Variants in EIF4G3 observed in about 807,000 individuals in gnomAD.
The protein encoded by EIF4G3 is eIF-4-gamma 3.
In EIF4G3, 34 loss-of-function variants were observed where a neutral mutation model predicts 186.4. That is an observed-to-expected ratio of 0.18 (90% confidence interval 0.14 to 0.24). EIF4G3 has a LOEUF of 0.24. Ranked by LOEUF, EIF4G3 falls within the 10% of genes least tolerant of loss-of-function variation. EIF4G3 has a pLI of 1.00. For synonymous variants in EIF4G3, 673 were observed against 679.5 expected (o/e 0.99, Z 0.15); for missense variants, 1,536 against 1,948.5 (o/e 0.79, Z 3.99).
chr1:21,032,573 A>T (rs2092833252), intron 4 of EIF4G3, among the ~76,000 whole-genome samples: 2 of 152,186 alleles, frequency 1.3e-5, no homozygotes, highest in South Asian at 4.2e-4. Context: ...AAAAAAAAAA[A>T]GTCTTATACT....
chr1:20,808,078 T>C (rs914522037), intron 36 of EIF4G3, among the ~76,000 whole-genome samples: 2 of 151,850 alleles, frequency 1.3e-5, no homozygotes, highest in Non-Finnish European at 2.9e-5. Flanking sequence ...GAGAAGGGAT[T>C]TCACCATGTT....
In EIF4G3 at chr1:20,810,790, C is replaced by T. The variant is rs1161757022; in HGVS notation, c.4692G>A (p.Leu1564=). The change falls in exon 36 of 37, where the codon CTG becomes CTA. Residue 1564 remains leucine (L), a synonymous_variant. Transcript: ENST00000602326. The surrounding 1 kb of genome is among the most constrained non-coding windows in gnomAD (Gnocchi z 4.1). ...ATGCTTGTAGTGCATAAAGTGCTTGCAGTTCCTTCTCTGTATCTGAGTCTA... is the reference window on the plus strand; with the variant it reads ...ATGCTTGTAGTGCATAAAGTGCTTGTAGTTCCTTCTCTGTATCTGAGTCTA... ...KYLDSDTEKE[L]QALYALQASI... 5 of 1,614,122 alleles carry T rather than the reference C, an allele frequency of 3.1e-6. No individual in the cohort carries two copies. The highest frequency in any genetic ancestry group is 1.7e-6 in the Non-Finnish European group (2 of 1,180,006).
chr1:20,954,973 A>G (rs2096365178), intron 12 of EIF4G3, among the ~76,000 whole-genome samples: 1 of 152,236 alleles, frequency 6.6e-6, no homozygotes, highest in Admixed American at 6.5e-5. Context: ...GAGGAAGGGC[A>G]GTTAGATGCA....
At chr1:21,009,572 G>C (rs1557484047) in intron 4 of EIF4G3, among the ~76,000 whole-genome samples, 1 of 151,192 alleles carries the variant, frequency 6.6e-6, no homozygotes, top group Non-Finnish European at 1.5e-5. Context: ...AATCTGGCCA[G>C]AGAAACAAAA....
intron 28 of EIF4G3, among the ~76,000 whole-genome samples, chr1:20,850,229 T>C (rs1164192190): frequency 1.3e-5 from 2 of 152,242 alleles, no homozygotes; most frequent in Admixed American, 6.5e-5. Context: ...ACTGTGCATC[T>C]GGTAAGTGTA....
At chr1:20,974,410 A>G (rs1445078673) in intron 10 of EIF4G3, among the ~76,000 whole-genome samples, 2 of 152,332 alleles carry the variant, frequency 1.3e-5, no homozygotes, top group East Asian at 3.9e-4. Context: ...CAAGAAAATT[A>G]TTCAAGAATG....
chr1:20,937,683 A>G (rs1317533732), intron 14 of EIF4G3, among the ~76,000 whole-genome samples: 1 of 152,226 alleles, frequency 6.6e-6, no homozygotes, highest in Non-Finnish European at 1.5e-5. Context: ...TGGGAAAGTT[A>G]ATGTTACATA....
At chr1:21,051,703 T>C (rs1003768802) in intron 3 of EIF4G3, among the ~76,000 whole-genome samples, 2 of 151,608 alleles carry the variant, frequency 1.3e-5, no homozygotes, top group Non-Finnish European at 2.9e-5. Context: ...TAAAAAAAAA[T>C]TTTTTTTTCA....
intron 18 of EIF4G3, among the ~76,000 whole-genome samples, chr1:20,890,929 C>T (rs1329401445): frequency 6.6e-6 from 1 of 152,124 alleles, no homozygotes; most frequent in Non-Finnish European, 1.5e-5. Flanking sequence ...CCTGAGACAT[C>T]AAAATTTCTC....
intron 17 of EIF4G3, 122 bp from the exon 18 acceptor site, chr1:20,893,758 C>G (rs1005210045): frequency 2.7e-6 from 3 of 1,093,156 alleles, no homozygotes; most frequent in South Asian, 4.2e-5. Context: ...GCTTTGGAAC[C>G]CGCAGAAGTC....
At chr1:21,095,104 T>C (rs2096329405) in intron 2 of EIF4G3, among the ~76,000 whole-genome samples, 1 of 152,154 alleles carries the variant, frequency 6.6e-6, no homozygotes, top group East Asian at 1.9e-4. Flanking sequence ...TGGTTATGTA[T>C]ATTACTTAAC....
intron 2 of EIF4G3, among the ~76,000 whole-genome samples, chr1:21,108,516 TATTTC>T (rs1320295390): frequency 1.3e-5 from 2 of 152,182 alleles, no homozygotes; most frequent in African/African-American, 2.4e-5. Flanking sequence ...TTTAGTAAGG[TATTTC>T]ATTTCATTAT....
chr1:21,091,714 T>C (rs1357058475), intron 2 of EIF4G3, among the ~76,000 whole-genome samples: 1 of 152,182 alleles, frequency 6.6e-6, no homozygotes, highest in Non-Finnish European at 1.5e-5. Context: ...TCATATCCCT[T>C]GTAAGTTGGA....
chr1:20,913,494 T>C (rs576893384), intron 14 of EIF4G3, among the ~76,000 whole-genome samples: 3 of 152,250 alleles, frequency 2.0e-5, no homozygotes, highest in Admixed American at 6.5e-5. Context: ...CGTATTACTG[T>C]ACCCCACCCT....
chr1:21,115,602 G>A (rs2096802833), intron 2 of EIF4G3, among the ~76,000 whole-genome samples: 1 of 152,044 alleles, frequency 6.6e-6, no homozygotes, highest in South Asian at 2.1e-4. Flanking sequence ...GTATAAGATT[G>A]TTTCTTCACC....
intron 4 of EIF4G3, among the ~76,000 whole-genome samples, chr1:21,023,614 A>C (rs1435966804): frequency 1.3e-5 from 2 of 151,416 alleles, no homozygotes; most frequent in South Asian, 2.1e-4. Flanking sequence ...GCTACAACCT[A>C]CACCTCCCAG....
intron 2 of EIF4G3, among the ~76,000 whole-genome samples, chr1:21,113,490 CA>C (rs2102233105): frequency 6.6e-6 from 1 of 151,782 alleles, no homozygotes; most frequent in Non-Finnish European, 1.5e-5. Context: ...TTTTTAATTA[CA>C]CCAAAATTCA....
chr1:21,097,673 A>T (rs2096407953), intron 2 of EIF4G3, among the ~76,000 whole-genome samples: 1 of 152,230 alleles, frequency 6.6e-6, no homozygotes, highest in Admixed American at 6.5e-5. Context: ...AAATGTAGTG[A>T]ATCGATTTTT....
In EIF4G3 at chr1:20,899,875, C is replaced by A. The variant is rs200950092; in HGVS notation, c.1821G>T (p.Gly607=). The change falls in exon 16 of 37, where the codon GGG becomes GGT. Residue 607 remains glycine, a synonymous_variant. Transcript: ENST00000602326. ...LESEQDKMSQ[G]FHPERDPSDL... is the part of the protein sequence containing the mutation. ...CAGAGGGGTCTCTTTCAGGATGAAA[C>A]CCCTGGCTCATTTTATCTTGTTCAG... is the stretch of plus-strand genomic sequence containing the variant. 1 of 1,614,040 alleles carries A rather than the reference C, an allele frequency of 6.2e-7. No homozygotes were observed. Among genetic ancestry groups the A allele is most frequent in the Non-Finnish European group, 8.5e-7 (1 of 1,179,986 alleles).
Sources: gnomAD v4.1 joint callset for allele counts (sites outside exome capture counted in the v4.1 genomes callset) on GRCh38, gnomAD v4.1.1 for gene constraint, Gnocchi (gnomAD v3.1) non-coding constraint, MANE v1.5 for transcripts, NCBI Gene and HGNC (gene_info 2026-07-23, HGNC 2026-07-21) for gene names.